The following UBXN2A variants were observed in gnomAD, a reference collection of about 807,000 sequenced individuals.
UBXN2A encodes the protein UBX domain protein 2A.
Under a neutral mutation model 28.4 loss-of-function variants are expected in UBXN2A, and 28 were observed. That is an observed-to-expected ratio of 0.99 (90% CI 0.73 to 1.35). The LOEUF is 1.35. Ranked by LOEUF, UBXN2A falls within the 40% of genes most tolerant of loss-of-function variation. The probability of loss-of-function intolerance (pLI) is 0.00; values close to 1 mark genes in which losing one functional copy is unlikely to be tolerated. For missense variants in UBXN2A, 253 were observed against 297.9 expected (o/e 0.85, Z 1.11); for synonymous variants, 97 against 103.6 (o/e 0.94, Z 0.39).
At chr2:23,960,069 G>A (rs968074020) in intron 2 of UBXN2A, among the ~76,000 whole-genome samples, 1 of 151,936 alleles carries the variant, frequency 6.6e-6, no homozygotes, top group Non-Finnish European at 1.5e-5. Flanking sequence ...TGGCTAACAC[G>A]GTGAAACCCC....
upstream of UBXN2A, among the ~76,000 whole-genome samples, chr2:23,938,177 A>G (rs112916602): frequency 0.064 from 9,802 of 152,178 alleles, 402 homozygotes; most frequent in African/African-American, 0.12. Flanking sequence ...TAAGATATCA[A>G]TACTCCGGCT....
At chr2:23,936,858 C>T (rs1041472506), upstream of UBXN2A, among the ~76,000 whole-genome samples, 2 of 151,310 alleles carry the variant, frequency 1.3e-5, no homozygotes, top group Non-Finnish European at 2.9e-5. Context: ...TTACAGGTGC[C>T]TGCCACCACG....
chr2:23,961,539 CT>C (rs71395167), intron 2 of UBXN2A, among the ~76,000 whole-genome samples: 3,227 of 51,124 alleles, frequency 0.063, 23 homozygotes, highest in African/African-American at 0.12. Flanking sequence ...AGAAAACTGC[CT>C]TTTTTTTTTT....
intron 1 of UBXN2A, among the ~76,000 whole-genome samples, chr2:23,950,921 C>T (rs1048366229): frequency 9.2e-5 from 14 of 151,598 alleles, no homozygotes; most frequent in Non-Finnish European, 1.5e-5. Flanking sequence ...TCAGGTGATC[C>T]ACCCACATTG....
At chr2:23,999,538 T>C in intron 6 of UBXN2A, 134 bp from the exon 7 acceptor site, 2 of 976,824 alleles carry the variant, frequency 2.0e-6, no homozygotes, top group African/African-American at 3.3e-5. Context: ...ACCACTGCAC[T>C]GCATCCTGGG....
At chr2:23,963,473 A>AAG (rs1367785757) in intron 2 of UBXN2A, among the ~76,000 whole-genome samples, 2 of 147,232 alleles carry the variant, frequency 1.4e-5, no homozygotes, top group African/African-American at 4.9e-5. Context: ...CAGTGTCTCA[A>AAG]AAAAAAAAAA....
chr2:23,978,886 C>T (rs1299992418), intron 4 of UBXN2A, among the ~76,000 whole-genome samples: 1 of 151,736 alleles, frequency 6.6e-6, no homozygotes, highest in African/African-American at 2.4e-5. Flanking sequence ...TTGCTTGAAC[C>T]CAGGACGCAG....
At chr2:23,956,300 T>G (rs570430628) in intron 1 of UBXN2A, among the ~76,000 whole-genome samples, 2 of 152,292 alleles carry the variant, frequency 1.3e-5, no homozygotes, top group African/African-American at 4.8e-5. Context: ...TGGGAGCCCC[T>G]TCAGAGTGCC....
At chr2:23,953,410 GC>G (rs1334783557) in intron 1 of UBXN2A, among the ~76,000 whole-genome samples, 1 of 152,056 alleles carries the variant, frequency 6.6e-6, no homozygotes, top group Non-Finnish European at 1.5e-5. Context: ...ATTGTTTGAA[GC>G]AAGTTCCAGT....
At chr2:23,943,905 C>T (rs1186786346) in intron 1 of UBXN2A, 39 of 416,156 alleles carry the variant, frequency 9.4e-5, no homozygotes, top group Non-Finnish European at 7.6e-5. Context: ...GCACTTTAGC[C>T]CTCAGCTTTG....
intron 1 of UBXN2A, among the ~76,000 whole-genome samples, chr2:23,928,042 G>A (rs907174273): frequency 6.6e-6 from 1 of 151,742 alleles, no homozygotes; most frequent in Admixed American, 6.6e-5. Flanking sequence ...TGGGTGTTGT[G>A]GTGGGCACCT....
upstream of UBXN2A, among the ~76,000 whole-genome samples, chr2:23,937,007 G>A (rs1013712221): frequency 5.3e-5 from 8 of 151,846 alleles, no homozygotes; most frequent in African/African-American, 1.2e-4. Context: ...CACCGTGCCC[G>A]GCCTCATCAT....
At chr2:23,941,554 G>A (rs1223737211) in intron 1 of UBXN2A, among the ~76,000 whole-genome samples, 1 of 152,182 alleles carries the variant, frequency 6.6e-6, no homozygotes, top group Non-Finnish European at 1.5e-5. Flanking sequence ...AGTGTTAATG[G>A]AAGCTCACAC....
intron 1 of UBXN2A, among the ~76,000 whole-genome samples, chr2:23,955,604 A>G (rs935784085): frequency 2.6e-5 from 4 of 152,346 alleles, no homozygotes; most frequent in East Asian, 1.9e-4. Context: ...CTGATGTTAT[A>G]GCCAACTATA....
intron 2 of UBXN2A, among the ~76,000 whole-genome samples, chr2:23,967,110 T>TTAC (rs1478318022): frequency 1.3e-5 from 2 of 152,146 alleles, no homozygotes; most frequent in Admixed American, 1.3e-4. Context: ...TACTCTACTC[T>TTAC]TACTATACAT....
chr2:23,947,535 T>A (rs138735447), intron 1 of UBXN2A, among the ~76,000 whole-genome samples: 158 of 152,334 alleles, frequency 1.0e-3, no homozygotes, highest in African/African-American at 3.6e-3. Context: ...TCATGTCATA[T>A]GACTGTGATA....
chr2:23,957,980 T>G (rs1397919914), intron 1 of UBXN2A, among the ~76,000 whole-genome samples: 1 of 152,244 alleles, frequency 6.6e-6, no homozygotes, highest in Non-Finnish European at 1.5e-5. Flanking sequence ...TTGAATTCCT[T>G]GGCTTCAGCA....
intron 4 of UBXN2A, among the ~76,000 whole-genome samples, chr2:23,979,509 T>C (rs1707809198): frequency 3.9e-5 from 6 of 152,222 alleles, no homozygotes; most frequent in Admixed American, 3.9e-4. Context: ...TATAAAATAT[T>C]TGAATATATC....
intron 2 of UBXN2A, among the ~76,000 whole-genome samples, chr2:23,964,262 G>A (rs764485781): frequency 2.0e-5 from 3 of 151,556 alleles, no homozygotes; most frequent in Non-Finnish European, 4.4e-5. Context: ...CCAGGCTGGA[G>A]TGCAATGGCA....
Sources: gnomAD v4.1 joint callset for allele counts (sites outside exome capture counted in the v4.1 genomes callset) on GRCh38, gnomAD v4.1.1 for gene constraint, MANE v1.5 for transcripts, NCBI Gene and HGNC (gene_info 2026-07-23, HGNC 2026-07-21) for gene names.